MIEF2: variants seen among roughly 807,000 people sequenced by gnomAD.
MIEF2 encodes mitochondrial elongation factor 2.
MIEF2 carries 1 observed loss-of-function variant against 7.4 expected under a neutral mutation model. That is an observed-to-expected ratio of 0.14 (90% confidence interval 0.05 to 0.64). MIEF2 has a LOEUF of 0.64. Among genes scored for constraint, MIEF2 ranks in the 30% least tolerant of loss-of-function variants. MIEF2 has a pLI of 0.85. For missense variants in MIEF2, 569 were observed against 623.9 expected (o/e 0.91, Z 0.94); for synonymous variants, 275 against 290.5 (o/e 0.95, Z 0.54).
Position 18,264,825 on chromosome 17 carries a change from TC to T in MIEF2, c.*63del. 1 of 1,545,360 alleles carries T rather than the reference TC, an allele frequency of 6.5e-7. No individual in the cohort carries two copies. The highest frequency in any genetic ancestry group is 2.0e-5 in the Admixed American group (1 of 51,144). On this transcript the variant is annotated 3_prime_UTR_variant, in exon 4 of 4. Coordinates refer to ENST00000323019, the MANE Select transcript of MIEF2 (RefSeq NM_139162.4). ...GCTGGGGAGCTGCACCCACCTCCCT[TC>T]CAGGGATTTGAATAGTGGTTTTTCT...
chr17:18,260,971 C>G, intron 1 of MIEF2: 1 of 797,046 alleles, frequency 1.3e-6, no homozygotes, highest in African/African-American at 1.7e-5. Flanking sequence ...GCTGCGCGGC[C>G]TGCTCCGCCC....
Position 18,264,259 on chromosome 17 carries a change from A to T in MIEF2, c.860A>T (p.Glu287Val). 1 of 1,605,618 alleles carries T rather than the reference A, an allele frequency of 6.2e-7. No individual in the cohort carries two copies. The highest frequency in any genetic ancestry group is 8.5e-7 in the Non-Finnish European group (1 of 1,179,794). ...ATCCGGCCCAGCATGGCCTCGGAGG[A>T]GCTGCTGCTCGAGGTGCAGCACGAA... ...CLIRPSMASE[E>V]LLLEVQHERL... Residue 287 changes from glutamate (E) to valine (V), a missense_variant, in exon 4 of 4, where the codon GAG becomes GTG. Coordinates refer to ENST00000323019, the MANE Select transcript of MIEF2 (RefSeq NM_139162.4).
intron 1 of MIEF2, among the ~76,000 whole-genome samples, 188 bp downstream of exon 1, chr17:18,260,925 T>C (rs2605141): frequency 0.72 from 109,217 of 152,108 alleles, 39,916 homozygotes; most frequent in African/African-American, 0.86. Context: ...TCTTGGTTTA[T>C]CCTGCGAACG....
intron 3 of MIEF2, chr17:18,263,477 C>T: frequency 1.2e-6 from 1 of 838,382 alleles, no homozygotes; most frequent in Non-Finnish European, 2.0e-6. Context: ...AGGGGCGTGA[C>T]ATACCTACCT....
At chr17:18,260,934 C>T (rs545308333) in intron 1 of MIEF2, among the ~76,000 whole-genome samples, 197 bp downstream of exon 1, 2 of 152,316 alleles carry the variant, frequency 1.3e-5, no homozygotes, top group South Asian at 4.1e-4. Flanking sequence ...ATCCTGCGAA[C>T]GGGGCGTCAC....
chr17:18,262,746 G>A lies in MIEF2; in HGVS notation c.26G>A (p.Gly9Glu), dbSNP rs779012417. 5.6e-6 allele frequency: 9 copies of A among 1,608,424 alleles called. No individual in the cohort carries two copies. Among genetic ancestry groups the A allele is most frequent in the Non-Finnish European group, 7.6e-6 (9 of 1,177,140 alleles). ...ATGGCAGAGTTCTCCCAGAAACGGG[G>A]GAAGCGGCGTAGCGACGAAGGGCTG... The part of the protein sequence containing the change: MAEFSQKR[G>E]KRRSDEGLGS... The change falls in exon 2 of 4, where the codon GGG becomes GAG. Residue 9 changes from glycine to glutamate, a missense_variant. By Grantham distance (98) the Gly-to-Glu change is moderately conservative. Coordinates refer to ENST00000323019, the MANE Select transcript of MIEF2 (RefSeq NM_139162.4).
At chr17:18,262,420 G>A (rs949246591) in intron 1 of MIEF2, among the ~76,000 whole-genome samples, 1 of 152,182 alleles carries the variant, frequency 6.6e-6, no homozygotes, top group African/African-American at 2.4e-5. Context: ...TTGGGAGAAG[G>A]GGCTTGGCAG....
chr17:18,263,405 C>T, intron 3 of MIEF2, 157 bp downstream of exon 3: 1 of 1,115,302 alleles, frequency 9.0e-7, no homozygotes, highest in Admixed American at 1.9e-5. Flanking sequence ...TTGCCCTGTT[C>T]CTGGAGCAAG....
rs771355786 is a variant in MIEF2 at position 18,264,761 on chromosome 17, C to G, written c.1362C>G (p.Leu454=). ...GCCTACAGGAGCCCGAGGGGCTGCT[C>G]TAGGTGGGTGGAAACGGGTGGTTGC... ...YSGLQEPEGL[L] The change falls in exon 4 of 4, where the codon CTC becomes CTG. Residue 454 remains leucine (L), a synonymous_variant. Coordinates refer to ENST00000323019, the MANE Select transcript of MIEF2 (RefSeq NM_139162.4). 1 of 1,596,586 alleles carries G rather than the reference C, an allele frequency of 6.3e-7. No homozygotes were observed. Among genetic ancestry groups the G allele is most frequent in the Non-Finnish European group, 8.6e-7 (1 of 1,167,580 alleles).
intron 1 of MIEF2, chr17:18,261,149 C>T (rs752193892): frequency 6.6e-5 from 103 of 1,551,440 alleles, no homozygotes; most frequent in Non-Finnish European, 8.7e-5. Context: ...GGGCTGAGTC[C>T]CAATTTAGAC....
intron 1 of MIEF2, chr17:18,261,137 T>C (rs199681136): frequency 6.4e-7 from 1 of 1,551,566 alleles, no homozygotes; most frequent in Non-Finnish European, 8.7e-7. Flanking sequence ...CCGCCAGAGA[T>C]GGGGCTGAGT....
intron 1 of MIEF2, chr17:18,261,169 G>T (rs1417928980): frequency 1.3e-6 from 2 of 1,551,508 alleles, no homozygotes; most frequent in Non-Finnish European, 1.7e-6. Context: ...CAGGTTGGGA[G>T]TATTTAAAGC....
intron 3 of MIEF2, chr17:18,263,500 G>A (rs1414390939): frequency 2.4e-6 from 2 of 833,298 alleles, no homozygotes; most frequent in South Asian, 3.1e-5. Context: ...TCTGCATGAA[G>A]CTGTTGTCGC....
chr17:18,260,977 C>T (rs1008719352), intron 1 of MIEF2: 30 of 860,788 alleles, frequency 3.5e-5, no homozygotes, highest in Non-Finnish European at 5.2e-5. Context: ...CGGCCTGCTC[C>T]GCCCGGGCCC....
At chr17:18,261,418 C>G (rs944023168) in intron 1 of MIEF2, among the ~76,000 whole-genome samples, 4 of 152,214 alleles carry the variant, frequency 2.6e-5, no homozygotes, top group African/African-American at 7.2e-5. Context: ...CACCTGGCAA[C>G]TGGGCCCCTG....
Position 18,263,243 on chromosome 17 carries a change from C to T in MIEF2, c.305C>T (p.Ala102Val). 6.2e-7 allele frequency: 1 copy of T among 1,613,870 alleles called. No individual in the cohort carries two copies. Among genetic ancestry groups the T allele is most frequent in the Non-Finnish European group, 8.5e-7 (1 of 1,180,040 alleles). ...PVLPLAPSSSAPEGPAETDPE... is the reference protein window; with the variant it reads ...PVLPLAPSSSVPEGPAETDPE... ...TTGCCCTTGGCCCCCTCGTCGTCTG[C>T]CCCAGGTGAGTGGCACTCCTTCCCC... The change falls in exon 3 of 4, where the codon GCC becomes GTC. Residue 102 changes from alanine to valine, a missense_variant. Transcript: ENST00000323019.
At chr17:18,263,521 G>C (rs1014328174) in intron 3 of MIEF2, 189 bp from the exon 4 acceptor site, 6 of 889,258 alleles carry the variant, frequency 6.7e-6, no homozygotes, top group South Asian at 4.8e-5. Context: ...CAGGGTGTTG[G>C]ACTCTGGGGC....
In MIEF2 at chr17:18,265,046, C is replaced by T. The variant is rs1261012124; in HGVS notation, c.*282C>T. On this transcript the variant is annotated 3_prime_UTR_variant, in exon 4 of 4. Coordinates refer to ENST00000323019, the MANE Select transcript of MIEF2 (RefSeq NM_139162.4). ...CCGTTTCAGCTCTTGGGGCCAACCC[C>T]AGGACCTTTGGCTCTGTCCATCACC... The T allele has an allele frequency of 5.1e-6, 2 of 390,156 alleles. No individual in the cohort carries two copies. The highest frequency in any genetic ancestry group is 4.4e-5 in the South Asian group (1 of 22,528). The allele number at this position is 390,156 out of a possible 1,614,324, so 24.2% of individuals were successfully genotyped here.
Position 18,264,949 on chromosome 17 carries a change from C to G in MIEF2, c.*185C>G, listed in dbSNP as rs1030395920. ...GGCCATAAACCCTGAGCCCAGAGAG[C>G]TTGGGTCACTGTCACCTGAGTGCAG... On this transcript the variant is annotated 3_prime_UTR_variant, in exon 4 of 4. Transcript: ENST00000323019. 1.3e-5 allele frequency: 14 copies of G among 1,117,434 alleles called. No homozygotes were observed. The highest frequency in any genetic ancestry group is 3.1e-5 in the African/African-American group (2 of 63,568). 69.2% of individuals were successfully genotyped at this position (1,117,434 alleles called of 1,614,324 possible). A position where few individuals can be genotyped will look rare whatever the true frequency, so the allele number is the denominator to read the frequency against.
Sources: allele counts gnomAD v4.1 joint callset (sites outside exome capture counted in the v4.1 genomes callset), GRCh38; gene constraint gnomAD v4.1.1; transcripts MANE v1.5; gene names NCBI Gene and HGNC (gene_info 2026-07-23, HGNC 2026-07-21).